Variants in SPON2 observed in about 807,000 individuals in gnomAD.
The protein encoded by SPON2 is spondin-2.
Under a neutral mutation model 29.9 loss-of-function variants are expected in SPON2, and 32 were observed. The ratio of observed to expected loss-of-function variants is 1.07; its 90% CI spans 0.81 to 1.44. SPON2 has a LOEUF of 1.44. Ranked by LOEUF, SPON2 falls within the 40% of genes most tolerant of loss-of-function variation. SPON2 has a pLI of 0.00. For missense variants in SPON2, 541 were observed against 455.5 expected (o/e 1.19, Z -1.71); for synonymous variants, 248 against 209.1 (o/e 1.19, Z -1.61).
At chr4:1,195,486 A>ACCCCCCCCCCCCC (rs1728045410), upstream of SPON2, among the ~76,000 whole-genome samples, 1 of 144,686 alleles carries the variant, frequency 6.9e-6, no homozygotes. Context: ...TGGCACCTGA[A>ACCCCCCCCCCCCC]CCTCCCCCCG....
rs780113504 is a variant in SPON2, at chr4:1,202,936, G to A, written c.-234+4944C>T. 2.6e-5 allele frequency among the ~76,000 whole-genome samples: 4 copies of A among 152,200 alleles called. No individual in the cohort carries two copies. Among genetic ancestry groups the A allele is most frequent in the South Asian group, 4.1e-4 (2 of 4,834 alleles). On this transcript the variant is annotated intron_variant, in intron 1 of 3. Transcript: ENST00000509233. This position sits in a 1 kb window ranked among gnomAD's most constrained non-coding sequence, Gnocchi z 5.4. The stretch of plus-strand genomic sequence containing the variant: ...GGCCAAGGAGGGCTGGGCCAGGATC[G>A]GGGGAGACCCAGGCAGGCAGTGAGC...
upstream of SPON2, chr4:1,197,279 G>A (rs1411890608): frequency 6.6e-6 from 1 of 152,168 alleles, no homozygotes; most frequent in Non-Finnish European, 1.5e-5. Context: ...GTTGTGTATT[G>A]GCTGCAAAGA....
At chr4:1,169,489 C>T (rs973525756) in intron 5 of SPON2, among the ~76,000 whole-genome samples, 2 of 152,192 alleles carry the variant, frequency 1.3e-5, no homozygotes, top group Non-Finnish European at 2.9e-5. Flanking sequence ...AGGCGGCCTC[C>T]TGTCTGACCT....
chr4:1,170,978 G>A lies in SPON2; in HGVS notation c.636+21C>T, dbSNP rs1198847147. The A allele has an allele frequency of 3.9e-6, 6 of 1,545,810 alleles. 1 individual carries two copies. The Admixed American group carries it at 8.0e-5, about 20-fold the overall frequency. On this transcript the variant is annotated intron_variant, in intron 4 of 5. Coordinates refer to ENST00000290902, the MANE Select transcript of SPON2 (RefSeq NM_012445.4). Reference sequence around the variant, plus strand: ...CCGCGGGGGCCATAGCGGCCCTTGCGCACGCGGGGTGCCCACTCACCTCGG... The same window carrying A: ...CCGCGGGGGCCATAGCGGCCCTTGCACACGCGGGGTGCCCACTCACCTCGG...
chr4:1,167,452 G>A lies in SPON2; in HGVS notation c.*20C>T. The A allele has an allele frequency of 6.2e-7, 1 of 1,604,914 alleles. No homozygotes were observed. The highest frequency in any genetic ancestry group is 2.2e-5 in the East Asian group (1 of 44,716). ...CACCCCATGGCTCCGGGGGGCCCCA[G>A]GGGCTGCGGGGCTCTGGTCTTAGAC... On this transcript the variant is annotated 3_prime_UTR_variant, in exon 6 of 6. Transcript: ENST00000290902.
exon 1 of SPON2, chr4:1,195,076 C>T (rs1392961322): frequency 7.9e-6 from 1 of 127,122 alleles, no homozygotes; most frequent in African/African-American, 2.8e-5. Flanking sequence ...TCTCCAACCC[C>T]GCAGCCGGCG....
chr4:1,172,887 TC>T (rs1727507073), upstream of SPON2: 1 of 766 alleles, frequency 1.3e-3, no homozygotes, highest in South Asian at 0.062. Context: ...TCCCTTCCCC[TC>T]CCCTCCCCTC....
At chr4:1,175,105 C>T (rs978089879), upstream of SPON2, among the ~76,000 whole-genome samples, 1 of 152,218 alleles carries the variant, frequency 6.6e-6, no homozygotes, top group East Asian at 1.9e-4. Flanking sequence ...CGGCATGGGG[C>T]GGCTGTACTG....
intron 1 of SPON2, among the ~76,000 whole-genome samples, chr4:1,205,994 A>G (rs1032434642): frequency 4.6e-5 from 7 of 150,970 alleles, no homozygotes; most frequent in African/African-American, 1.7e-4. Flanking sequence ...CAGGCCCCCA[A>G]CCCTGACCAG....
chr4:1,170,694 G>GTCCCCA, intron 4 of SPON2, 118 bp from the exon 5 acceptor site: 2 of 1,260,016 alleles, frequency 1.6e-6, no homozygotes, highest in Non-Finnish European at 2.3e-6. Context: ...CACTGTTGGG[G>GTCCCCA]ACAGGGTCCC....
intron 1 of SPON2, among the ~76,000 whole-genome samples, chr4:1,191,850 A>G (rs570288340): frequency 1.3e-5 from 2 of 152,340 alleles, no homozygotes; most frequent in African/African-American, 4.8e-5. Context: ...CAAGGTTTGC[A>G]GTGAGTTCCT....
chr4:1,172,145 G>T, intron 1 of SPON2, 71 bp from the exon 2 acceptor site: 1 of 1,386,336 alleles, frequency 7.2e-7, no homozygotes, highest in East Asian at 2.3e-5. Context: ...AGCCGAGAGG[G>T]CTGCGGCACT....
At chr4:1,177,915 C>A (rs13435166), upstream of SPON2, among the ~76,000 whole-genome samples, 1 of 152,142 alleles carries the variant, frequency 6.6e-6, no homozygotes, top group Non-Finnish European at 1.5e-5. Context: ...TTCTGGCTCC[C>A]CCAAGGGACC....
upstream of SPON2, among the ~76,000 whole-genome samples, chr4:1,197,465 C>T (rs532665607): frequency 1.7e-4 from 26 of 152,138 alleles, no homozygotes; most frequent in Non-Finnish European, 2.2e-4. Flanking sequence ...TCTGAAAAGC[C>T]GAGAAGCCAT....
chr4:1,195,489 T>TCCCCCCCCCCGC (rs910772142), upstream of SPON2, among the ~76,000 whole-genome samples: 1 of 145,914 alleles, frequency 6.9e-6, no homozygotes, highest in African/African-American at 2.5e-5. Flanking sequence ...CACCTGAACC[T>TCCCCCCCCCCGC]CCCCCCGCCT....
intron 5 of SPON2, among the ~76,000 whole-genome samples, chr4:1,169,076 T>A (rs561426976): frequency 6.6e-6 from 1 of 151,892 alleles, no homozygotes; most frequent in East Asian, 1.9e-4. Context: ...CATAGCACAG[T>A]CTCTCCCCAC....
At chr4:1,167,800 C>T (rs1727295789) in intron 5 of SPON2, 144 bp from the exon 6 acceptor site, 1 of 813,776 alleles carries the variant, frequency 1.2e-6, no homozygotes, top group South Asian at 2.1e-5. Context: ...CGCACAGTCG[C>T]AGAGTGAGCG....
upstream of SPON2, among the ~76,000 whole-genome samples, chr4:1,174,729 G>A (rs560752183): frequency 1.2e-4 from 18 of 152,204 alleles, no homozygotes; most frequent in Non-Finnish European, 2.1e-4. Flanking sequence ...TGAAAAACCC[G>A]CCTGAGAAAA....
chr4:1,177,769 A>G (rs984320267), upstream of SPON2, among the ~76,000 whole-genome samples: 1 of 151,994 alleles, frequency 6.6e-6, no homozygotes, highest in African/African-American at 2.4e-5. Flanking sequence ...GGGGCGCGGC[A>G]CAGGCACCCA....
Sources: gnomAD v4.1 joint callset for allele counts (sites outside exome capture counted in the v4.1 genomes callset) on GRCh38, gnomAD v4.1.1 for gene constraint, Gnocchi (gnomAD v3.1) non-coding constraint, MANE v1.5 for transcripts, NCBI Gene and HGNC (gene_info 2026-07-23, HGNC 2026-07-21) for gene names.